Variants in FBXW10B observed in about 807,000 individuals in gnomAD.
The protein encoded by FBXW10B is F-box and WD repeat domain containing 10B, also known as F-box and WD repeat domain containing protein 10B.
At chr17:15,612,431 G>A in the FBXW10B span, among the ~76,000 whole-genome samples, 7 of 152,076 alleles carry the variant, frequency 4.6e-5, no homozygotes, top group East Asian at 3.9e-4. Context: ...GGAGAATGGC[G>A]TGAACCCGGG....
chr17:15,574,168 G>T, the FBXW10B span: 2 of 744,020 alleles, frequency 2.7e-6, no homozygotes, highest in Admixed American at 1.8e-5. Context: ...ATTTACTTTG[G>T]TTATTTAGTT....
the FBXW10B span, chr17:15,596,661 T>C: frequency 3.7e-6 from 6 of 1,613,202 alleles, no homozygotes; most frequent in Non-Finnish European, 5.1e-6. Flanking sequence ...CTACATCCCA[T>C]ACTGAAAAGG....
chr17:15,616,603 G>A, the FBXW10B span, among the ~76,000 whole-genome samples: 1 of 151,932 alleles, frequency 6.6e-6, no homozygotes, highest in Non-Finnish European at 1.5e-5. Context: ...AGGAGATGGA[G>A]ACCATCCTGG....
the FBXW10B span, chr17:15,605,536 C>G: frequency 2.1e-6 from 3 of 1,412,262 alleles, no homozygotes; most frequent in Middle Eastern, 2.4e-4. Context: ...AAATCCAGGG[C>G]CTTTCAACAA....
the FBXW10B span, among the ~76,000 whole-genome samples, chr17:15,599,934 C>G: frequency 6.6e-6 from 1 of 151,994 alleles, no homozygotes; most frequent in African/African-American, 2.4e-5. Flanking sequence ...ATTGTACTTA[C>G]AGCCGGGCAC....
chr17:15,598,845 G>C, the FBXW10B span: 1 of 1,185,022 alleles, frequency 8.4e-7, no homozygotes, highest in Non-Finnish European at 1.2e-6. Flanking sequence ...TAATTTCTGT[G>C]TAAGTTTCCT....
At chr17:15,615,573 A>G in the FBXW10B span, 1 of 1,593,962 alleles carries the variant, frequency 6.3e-7, no homozygotes, top group Non-Finnish European at 8.6e-7. Context: ...TCGGCCTCCC[A>G]AAGTGCTGGG....
chr17:15,586,291 C>A, the FBXW10B span, among the ~76,000 whole-genome samples: 1 of 151,612 alleles, frequency 6.6e-6, no homozygotes, highest in Non-Finnish European at 1.5e-5. Flanking sequence ...TTGTAAACTG[C>A]TGATTTGGGG....
the FBXW10B span, among the ~76,000 whole-genome samples, chr17:15,585,277 G>A: frequency 1.3e-5 from 2 of 151,962 alleles, no homozygotes; most frequent in Non-Finnish European, 1.5e-5. Flanking sequence ...ATGGTTCCAG[G>A]TCATATGACG....
At chr17:15,606,506 G>A in the FBXW10B span, among the ~76,000 whole-genome samples, 6 of 149,796 alleles carry the variant, frequency 4.0e-5, no homozygotes, top group African/African-American at 7.4e-5. Context: ...CAGCCTGGAC[G>A]ACAGAATGAG....
chr17:15,609,630 C>T, the FBXW10B span, among the ~76,000 whole-genome samples: 1 of 151,834 alleles, frequency 6.6e-6, no homozygotes, highest in African/African-American at 2.4e-5. Flanking sequence ...GGAGCAACAA[C>T]ACCTCCTCGA....
At chr17:15,577,172 T>A in the FBXW10B span, among the ~76,000 whole-genome samples, 6 of 152,068 alleles carry the variant, frequency 3.9e-5, no homozygotes, top group Admixed American at 3.9e-4. Flanking sequence ...AGAAATTTCT[T>A]TTTTTTTAGT....
chr17:15,613,303 C>A, the FBXW10B span, among the ~76,000 whole-genome samples: 1 of 148,846 alleles, frequency 6.7e-6, no homozygotes, highest in Non-Finnish European at 1.5e-5. Context: ...GGCTTTCTTG[C>A]TGCATAAGCT....
chr17:15,602,859 C>T, the FBXW10B span, among the ~76,000 whole-genome samples: 3 of 122,470 alleles, frequency 2.4e-5, no homozygotes, highest in African/African-American at 4.0e-5. Context: ...GATCTCCTGA[C>T]CTCGTGATCC....
At chr17:15,613,570 T>C in the FBXW10B span, 1 of 1,477,710 alleles carries the variant, frequency 6.8e-7, no homozygotes, top group South Asian at 1.3e-5. Context: ...AACACGAAAA[T>C]GAAGCTGGTC....
At chr17:15,578,136 A>G in the FBXW10B span, among the ~76,000 whole-genome samples, 1 of 152,164 alleles carries the variant, frequency 6.6e-6, no homozygotes, top group Non-Finnish European at 1.5e-5. Flanking sequence ...ACAGTTAATT[A>G]GACACGTTCA....
At chr17:15,610,935 G>A in the FBXW10B span, among the ~76,000 whole-genome samples, 17 of 151,996 alleles carry the variant, frequency 1.1e-4, no homozygotes, top group South Asian at 2.1e-4. Flanking sequence ...ACCTCTCTGC[G>A]CCTCAGTTTC....
the FBXW10B span, among the ~76,000 whole-genome samples, chr17:15,608,056 C>T: frequency 7.3e-5 from 11 of 151,588 alleles, no homozygotes; most frequent in African/African-American, 2.7e-4. Context: ...TCACAGAAGT[C>T]GGAACGTCAT....
chr17:15,607,626 C>G, the FBXW10B span: 1 of 1,613,810 alleles, frequency 6.2e-7, no homozygotes, highest in Non-Finnish European at 8.5e-7. Context: ...TTTCTCTCCT[C>G]CATCAGGACC....
Sources: allele counts gnomAD v4.1 joint callset (sites outside exome capture counted in the v4.1 genomes callset), GRCh38; gene constraint gnomAD v4.1.1; transcripts MANE v1.5; gene names NCBI Gene and HGNC (gene_info 2026-07-23, HGNC 2026-07-21).